PRKCE: variants seen among roughly 807,000 people sequenced by gnomAD.
PRKCE encodes the protein protein kinase C epsilon.
Under a neutral mutation model 85.4 loss-of-function variants are expected in PRKCE, and 16 were observed. The observed-to-expected ratio is 0.19, with a 90% CI of 0.13 to 0.28. The LOEUF is 0.28. PRKCE is among the 10% of genes least tolerant of loss of function. The pLI is 1.00. For synonymous variants in PRKCE, 388 were observed against 371.5 expected (o/e 1.04, Z -0.51); for missense variants, 573 against 975.2 (o/e 0.59, Z 5.49).
intron 4 of PRKCE, among the ~76,000 whole-genome samples, chr2:45,979,413 C>T (rs373516748): frequency 1.3e-5 from 2 of 152,174 alleles, no homozygotes; most frequent in African/African-American, 4.8e-5. Context: ...CTCGCCTGCT[C>T]GTTGTACTTG....
At chr2:45,744,474 T>C (rs1469100471) in intron 1 of PRKCE, among the ~76,000 whole-genome samples, 1,054 of 46,678 alleles carry the variant, frequency 0.023, 26 homozygotes, top group Middle Eastern at 0.075. Context: ...TCTTTCTTTC[T>C]TTCTTTCTTT....
chr2:45,889,829 C>T (rs191344127), intron 2 of PRKCE, among the ~76,000 whole-genome samples: 31 of 152,360 alleles, frequency 2.0e-4, no homozygotes, highest in Admixed American at 4.6e-4. Flanking sequence ...GTCACGCACT[C>T]CTCCTCCAGT....
chr2:46,174,061 T>C (rs968124182), intron 14 of PRKCE, among the ~76,000 whole-genome samples: 4 of 152,216 alleles, frequency 2.6e-5, no homozygotes, highest in African/African-American at 9.6e-5. Flanking sequence ...ATTTGGTCCA[T>C]TTAGAAAATA....
intron 2 of PRKCE, among the ~76,000 whole-genome samples, chr2:45,959,852 T>C (rs150653914): frequency 1.3e-5 from 2 of 152,198 alleles, no homozygotes; most frequent in African/African-American, 4.8e-5. Context: ...TTCCCTGGCA[T>C]GTGTGTTGTG....
intron 2 of PRKCE, among the ~76,000 whole-genome samples, chr2:45,948,920 G>A (rs1700423765): frequency 1.3e-5 from 2 of 152,278 alleles, no homozygotes; most frequent in South Asian, 4.1e-4. Flanking sequence ...ATTTATCTGT[G>A]ATATAGATCT....
intron 14 of PRKCE, among the ~76,000 whole-genome samples, chr2:46,172,957 C>G (rs1049382312): frequency 6.6e-6 from 1 of 152,176 alleles, no homozygotes; most frequent in Non-Finnish European, 1.5e-5. Context: ...GTATCACTAC[C>G]CCCTTGGAGA....
chr2:45,984,739 C>G, intron 6 of PRKCE, 59 bp downstream of exon 6: 2 of 1,555,590 alleles, frequency 1.3e-6, no homozygotes, highest in Non-Finnish European at 1.7e-6. Flanking sequence ...GCTGCCTGCC[C>G]CCATCCCTGC....
At position 45,652,499 on chromosome 2, in the gene PRKCE, G is replaced by T; in HGVS notation, c.348+51G>T. 2 of 1,488,272 alleles carry T rather than the reference G, an allele frequency of 1.3e-6. No individual in the cohort carries two copies. 92.2% of individuals were successfully genotyped at this position (1,488,272 alleles called of 1,614,324 possible). A position where few individuals can be genotyped will look rare whatever the true frequency, so the allele number is the denominator to read the frequency against. On this transcript the variant is annotated intron_variant, in intron 1 of 14. Transcript: ENST00000306156. This position sits in a 1 kb window ranked among gnomAD's most constrained non-coding sequence, Gnocchi z 7.7. Reference sequence around the variant, plus strand: ...CCGGGAACCCGGTTGTGGGGTCCCGGGGAAAGACTCGCTGGTCTTGATCGT... The same window carrying T: ...CCGGGAACCCGGTTGTGGGGTCCCGTGGAAAGACTCGCTGGTCTTGATCGT...
intron 14 of PRKCE, among the ~76,000 whole-genome samples, chr2:46,161,994 C>A (rs1299009654): frequency 6.6e-6 from 1 of 152,058 alleles, no homozygotes; most frequent in Admixed American, 6.5e-5. Context: ...AAAACCTAGA[C>A]AGAAAGGAAG....
intron 11 of PRKCE, among the ~76,000 whole-genome samples, chr2:46,135,320 A>AT (rs991631178): frequency 2.0e-5 from 3 of 152,264 alleles, no homozygotes; most frequent in East Asian, 1.9e-4. Flanking sequence ...CACGATGTAT[A>AT]TTTTTTTCTC....
intron 4 of PRKCE, among the ~76,000 whole-genome samples, chr2:45,980,058 A>G (rs61763807): frequency 0.039 from 5,971 of 152,284 alleles, 187 homozygotes; most frequent in South Asian, 0.11. Flanking sequence ...GAAAACTGCT[A>G]ATGTCCTTTG....
At chr2:45,785,666 G>A (rs896788171) in intron 1 of PRKCE, among the ~76,000 whole-genome samples, 3 of 152,142 alleles carry the variant, frequency 2.0e-5, no homozygotes, top group Admixed American at 6.5e-5. Flanking sequence ...TTCTGACTGG[G>A]CATCACTCAG....
intron 1 of PRKCE, among the ~76,000 whole-genome samples, chr2:45,725,525 C>G (rs1433459655): frequency 6.6e-6 from 1 of 152,082 alleles, no homozygotes; most frequent in African/African-American, 2.4e-5. Flanking sequence ...AATTGAAAAC[C>G]TTCTGGAAAG....
At chr2:45,885,617 C>A (rs1417023085) in intron 2 of PRKCE, among the ~76,000 whole-genome samples, 1 of 152,214 alleles carries the variant, frequency 6.6e-6, no homozygotes, top group Non-Finnish European at 1.5e-5. Context: ...TTGGGCAGTG[C>A]ATAATCGTAG....
chr2:46,071,709 C>T (rs1164660383), intron 10 of PRKCE, among the ~76,000 whole-genome samples: 2 of 152,184 alleles, frequency 1.3e-5, no homozygotes, highest in African/African-American at 4.8e-5. Flanking sequence ...TGACATTACC[C>T]ACTCTGTTTA....
chr2:46,075,294 C>T (rs1175716977), intron 10 of PRKCE, among the ~76,000 whole-genome samples: 1 of 151,964 alleles, frequency 6.6e-6, no homozygotes, highest in Non-Finnish European at 1.5e-5. Flanking sequence ...CCTCGGCCTC[C>T]CAAAGTGCTG....
At chr2:46,007,789 A>G (rs1377344201) in intron 9 of PRKCE, 128 bp downstream of exon 9, 13 of 1,087,132 alleles carry the variant, frequency 1.2e-5, no homozygotes, top group Non-Finnish European at 1.7e-5. Flanking sequence ...CCTTTTTTGT[A>G]AGTGCAAATG....
chr2:45,737,802 C>A (rs936219008), intron 1 of PRKCE, among the ~76,000 whole-genome samples: 1 of 152,138 alleles, frequency 6.6e-6, no homozygotes, highest in Non-Finnish European at 1.5e-5. Context: ...GACTCACCCC[C>A]TCTGCTGACT....
At chr2:46,047,618 A>G (rs544325206) in intron 10 of PRKCE, among the ~76,000 whole-genome samples, 5 of 152,328 alleles carry the variant, frequency 3.3e-5, no homozygotes, top group African/African-American at 9.6e-5. Context: ...GAAAAGCTGC[A>G]TTTCAAAACA....
Sources: gnomAD v4.1 joint callset for allele counts (sites outside exome capture counted in the v4.1 genomes callset) on GRCh38, gnomAD v4.1.1 for gene constraint, Gnocchi (gnomAD v3.1) non-coding constraint, MANE v1.5 for transcripts, NCBI Gene and HGNC (gene_info 2026-07-23, HGNC 2026-07-21) for gene names.